Variants in STAG1 observed in about 807,000 individuals in gnomAD.
STAG1 encodes STAG1 cohesin complex component, also known as cohesin subunit SA-1.
STAG1 carries 26 observed loss-of-function variants against 170.9 expected under a neutral mutation model. That is an observed-to-expected ratio of 0.15 (90% CI 0.11 to 0.21). The LOEUF is 0.21. Among genes scored for constraint, STAG1 ranks in the 10% least tolerant of loss-of-function variants. The probability of loss-of-function intolerance (pLI) is 1.00; values close to 1 mark genes in which losing one functional copy is unlikely to be tolerated. For synonymous variants in STAG1, 514 were observed against 497.7 expected (o/e 1.03, Z -0.44); for missense variants, 964 against 1,509.5 (o/e 0.64, Z 5.99).
chr3:136,661,886 A>T (rs1478475208), intron 1 of STAG1, among the ~76,000 whole-genome samples: 8 of 152,192 alleles, frequency 5.3e-5, no homozygotes, highest in Non-Finnish European at 1.2e-4. Flanking sequence ...CAGAAAAATT[A>T]AGTAACTTGC....
chr3:136,515,767 T>C (rs931181050), intron 7 of STAG1, among the ~76,000 whole-genome samples: 3 of 152,150 alleles, frequency 2.0e-5, no homozygotes, highest in African/African-American at 4.8e-5. Context: ...TTCAAAAAAG[T>C]AATTACATTT....
intron 5 of STAG1, among the ~76,000 whole-genome samples, chr3:136,563,665 AAC>A (rs1936934483): frequency 1.3e-5 from 2 of 148,388 alleles, no homozygotes; most frequent in African/African-American, 2.5e-5. Flanking sequence ...AAAAAAAAAC[AAC>A]AACAACAAAG....
At chr3:136,466,557 G>C (rs1435363007) in intron 12 of STAG1, among the ~76,000 whole-genome samples, 1 of 152,174 alleles carries the variant, frequency 6.6e-6, no homozygotes, top group Non-Finnish European at 1.5e-5. Flanking sequence ...AGGAAGAATG[G>C]AAACAAGTTG....
chr3:136,477,466 T>C (rs950368742), intron 9 of STAG1, 54 bp from the exon 10 acceptor site: 83 of 1,467,852 alleles, frequency 5.7e-5, no homozygotes, highest in Non-Finnish European at 7.4e-5. Context: ...CTAGAATGCA[T>C]TCATACTCGC....
chr3:136,365,331 C>T (rs370748059), intron 25 of STAG1, among the ~76,000 whole-genome samples: 5 of 152,040 alleles, frequency 3.3e-5, no homozygotes, highest in Non-Finnish European at 7.4e-5. Context: ...CAAGTTGTTC[C>T]GAATTGAATT....
intron 5 of STAG1, among the ~76,000 whole-genome samples, chr3:136,558,611 T>C (rs566135027): frequency 6.6e-6 from 1 of 152,312 alleles, no homozygotes; most frequent in South Asian, 2.1e-4. Context: ...AAACTAAAAA[T>C]ACTGGCAATA....
At chr3:136,678,530 A>C (rs1419515362) in intron 1 of STAG1, among the ~76,000 whole-genome samples, 1 of 145,774 alleles carries the variant, frequency 6.9e-6, no homozygotes, top group Non-Finnish European at 1.5e-5. Context: ...TGAATTGCAA[A>C]AAAAAAAAAA....
intron 1 of STAG1, among the ~76,000 whole-genome samples, chr3:136,720,620 T>C (rs1933191655): frequency 6.6e-6 from 1 of 152,002 alleles, no homozygotes; most frequent in Admixed American, 6.6e-5. Context: ...CAAAACCCTG[T>C]CTCTACTAAA....
chr3:136,678,882 GA>G lies in STAG1; in HGVS notation c.-83-47902del, dbSNP rs543331662. ...AAAAAAAAAAGAAAAAGAAGAAAAAGAAAAAAAAAAAACAATCAGGCATGAT... is the reference window on the plus strand; with the variant it reads ...AAAAAAAAAAGAAAAAGAAGAAAAAGAAAAAAAAAAACAATCAGGCATGAT... On this transcript the variant is annotated intron_variant, in intron 1 of 33. Transcript: ENST00000383202. 3.6e-3 allele frequency among the ~76,000 whole-genome samples: 366 copies of G among 100,924 alleles called. 1 individual carries two copies. The highest frequency in any genetic ancestry group is 0.01 in the African/African-American group (281 of 27,124). The allele number at this position is 100,924 out of a possible 152,430, so 66.2% of individuals were successfully genotyped here.
intron 3 of STAG1, among the ~76,000 whole-genome samples, chr3:136,617,893 A>G (rs576988332): frequency 3.9e-5 from 6 of 152,306 alleles, no homozygotes; most frequent in African/African-American, 1.4e-4. Flanking sequence ...TCTACATTAA[A>G]CTACCAAATA....
intron 23 of STAG1, among the ~76,000 whole-genome samples, chr3:136,370,887 G>T (rs1351933283): frequency 1.6e-4 from 24 of 152,188 alleles, no homozygotes; most frequent in Non-Finnish European, 7.3e-5. Flanking sequence ...GTAATGGGAT[G>T]GCTGAGTCAA....
At chr3:136,746,889 G>C (rs910096074) in intron 1 of STAG1, among the ~76,000 whole-genome samples, 1 of 152,008 alleles carries the variant, frequency 6.6e-6, no homozygotes, top group Non-Finnish European at 1.5e-5. Flanking sequence ...CTGAGGTCAG[G>C]AGTTCGAGAC....
chr3:136,666,393 CT>C (rs1280439847), intron 1 of STAG1, among the ~76,000 whole-genome samples: 1 of 152,122 alleles, frequency 6.6e-6, no homozygotes, highest in East Asian at 1.9e-4. Flanking sequence ...ATGTTTTAAG[CT>C]TCTAAATTTG....
intron 5 of STAG1, among the ~76,000 whole-genome samples, chr3:136,551,212 A>T (rs866759826): frequency 4.2e-4 from 17 of 40,902 alleles, no homozygotes; most frequent in Admixed American, 1.9e-3. Context: ...AGAGAGTGAG[A>T]GAGAGAGAGA....
chr3:136,558,514 T>C (rs748454291), intron 5 of STAG1, among the ~76,000 whole-genome samples: 6 of 152,246 alleles, frequency 3.9e-5, no homozygotes, highest in Non-Finnish European at 7.3e-5. Flanking sequence ...TTAACTGTTA[T>C]GTGAAAAAGT....
chr3:136,628,543 G>A (rs1940203433), intron 2 of STAG1, among the ~76,000 whole-genome samples: 1 of 152,224 alleles, frequency 6.6e-6, no homozygotes, highest in East Asian at 1.9e-4. Flanking sequence ...CTCAGTCTGG[G>A]CCTAATAGCC....
chr3:136,707,578 T>TTTACTTCG (rs3066792), intron 1 of STAG1, among the ~76,000 whole-genome samples: 1 of 152,172 alleles, frequency 6.6e-6, no homozygotes, highest in Non-Finnish European at 1.5e-5. Flanking sequence ...TGAAAAGAAG[T>TTTACTTCG]TTCATGGTTC....
chr3:136,500,607 T>C (rs1474838353), intron 8 of STAG1, among the ~76,000 whole-genome samples: 2 of 152,180 alleles, frequency 1.3e-5, no homozygotes, highest in East Asian at 3.8e-4. Flanking sequence ...AACAGAACTC[T>C]TCTGTCTAAA....
chr3:136,597,530 A>G (rs1938484458), intron 4 of STAG1, among the ~76,000 whole-genome samples: 1 of 152,150 alleles, frequency 6.6e-6, no homozygotes, highest in Admixed American at 6.5e-5. Flanking sequence ...TGTTCCACCC[A>G]AATTTTTTAT....
Sources: allele counts gnomAD v4.1 joint callset (sites outside exome capture counted in the v4.1 genomes callset), GRCh38; gene constraint gnomAD v4.1.1; transcripts MANE v1.5; gene names NCBI Gene and HGNC (gene_info 2026-07-23, HGNC 2026-07-21).